CD8B: variants seen among roughly 807,000 people sequenced by gnomAD.
CD8B encodes the protein T-cell surface glycoprotein CD8 beta chain.
Under a neutral mutation model 24.2 loss-of-function variants are expected in CD8B, and 6 were observed. The ratio of observed to expected loss-of-function variants is 0.25; its 90% CI spans 0.14 to 0.49. The LOEUF (loss-of-function observed/expected upper bound fraction) is 0.49, where lower values mean the gene tolerates loss of function less well. Ranked by LOEUF, CD8B falls within the 20% of genes least tolerant of loss-of-function variation. CD8B has a pLI of 0.98. For synonymous variants in CD8B, 84 were observed against 108.3 expected (o/e 0.78, Z 1.39); for missense variants, 196 against 271.3 (o/e 0.72, Z 1.95).
At position 86,861,376 on chromosome 2, in the gene CD8B, T is replaced by C. The variant is rs1573533418; in HGVS notation, c.43+447A>G. 2.0e-5 allele frequency among the ~76,000 whole-genome samples: 3 copies of C among 152,066 alleles called. No homozygotes were observed. The South Asian group carries it at 6.2e-4, about 32-fold the overall frequency. On this transcript the variant is annotated intron_variant, in intron 1 of 5. Transcript: ENST00000390655. Reference sequence around the variant, plus strand: ...CCCTCCGAGAACTGAGAACGCCCGATGTTTGTCTGATTGTACTACAAACAC... The same window carrying C: ...CCCTCCGAGAACTGAGAACGCCCGACGTTTGTCTGATTGTACTACAAACAC...
chr2:86,859,737 G>C (rs1327987650), intron 1 of CD8B, among the ~76,000 whole-genome samples: 1 of 150,286 alleles, frequency 6.7e-6, no homozygotes. Context: ...GGCCAGGGCA[G>C]AGATGCAGGA....
intron 5 of CD8B, among the ~76,000 whole-genome samples, chr2:86,831,315 C>T (rs1054495266): frequency 2.0e-5 from 3 of 152,170 alleles, no homozygotes; most frequent in Non-Finnish European, 4.4e-5. Flanking sequence ...TATCTGCCTG[C>T]CTCGACCTCC....
At position 86,853,046 on chromosome 2, in the gene CD8B, G is replaced by A; in HGVS notation, c.444C>T (p.Ser148=). ...ACCGGCACACTCTCTTCTTGAGGGT[G>A]GACTTCTTGGTGGGCTGGGCAGTGG... ...LPTTAQPTKK[S]TLKKRVCRLP... is the part of the protein sequence containing the mutation. The change falls in exon 3 of 6, where the codon TCC becomes TCT. Residue 148 remains serine, a synonymous_variant. Coordinates refer to ENST00000390655, the MANE Select transcript of CD8B (RefSeq NM_004931.5). The A allele has an allele frequency of 6.5e-7, 1 of 1,543,860 alleles. No homozygotes were observed. The highest frequency in any genetic ancestry group is 8.7e-7 in the Non-Finnish European group (1 of 1,143,606).
rs566732661 is a variant in CD8B at position 86,818,956 on chromosome 2, C to T, written c.621-3238G>A. ...AGTGAGCACATGAATGATAAGAAAACGAAATAGCCTTATTGCTGATATGGA... is the reference window on the plus strand; with the variant it reads ...AGTGAGCACATGAATGATAAGAAAATGAAATAGCCTTATTGCTGATATGGA... On this transcript the variant is annotated intron_variant, in intron 5 of 5. Transcript: ENST00000331469. 1.3e-3 allele frequency among the ~76,000 whole-genome samples: 201 copies of T among 152,214 alleles called. 4 individuals are homozygous for T. The Middle Eastern group carries it at 0.014, about 10-fold the overall frequency.
intron 5 of CD8B, among the ~76,000 whole-genome samples, chr2:86,821,385 C>A (rs1378623142): frequency 6.6e-6 from 1 of 152,160 alleles, no homozygotes. Flanking sequence ...GTTAAGAAAC[C>A]AACAGGAAAA....
At position 86,840,774 on chromosome 2, in the gene CD8B, C is replaced by T. The variant is rs1055269248; in HGVS notation, c.*1533G>A. Among the ~76,000 whole-genome samples, 3 of 152,206 alleles carry T rather than the reference C, an allele frequency of 2.0e-5. No individual in the cohort carries two copies. Among genetic ancestry groups the T allele is most frequent in the Non-Finnish European group, 4.4e-5 (3 of 68,046 alleles). On this transcript the variant is annotated 3_prime_UTR_variant, in exon 6 of 6. Coordinates refer to ENST00000390655, the MANE Select transcript of CD8B (RefSeq NM_004931.5). The stretch of plus-strand genomic sequence containing the variant: ...CTGGACAACTTACACTCAAGGCCCT[C>T]CTTCCGGTAACACTGCATCTATGCC...
At chr2:86,819,955 T>G (rs564447479) in intron 5 of CD8B, among the ~76,000 whole-genome samples, 1 of 152,240 alleles carries the variant, frequency 6.6e-6, no homozygotes, top group East Asian at 1.9e-4. Context: ...CTGGATGAGT[T>G]GGAGGAGTTC....
intron 5 of CD8B, among the ~76,000 whole-genome samples, chr2:86,819,176 T>C (rs931199840): frequency 6.6e-6 from 1 of 152,188 alleles, no homozygotes. Flanking sequence ...CTCCTTAACA[T>C]CAAAATGCAA....
exon 6 of CD8B, chr2:86,815,572 G>T: frequency 1.6e-6 from 2 of 1,243,812 alleles, no homozygotes; most frequent in Non-Finnish European, 2.4e-6. Flanking sequence ...GGTAAAAGTA[G>T]TAAAGATCCA....
At chr2:86,825,703 C>T (rs1200593430) in intron 5 of CD8B, among the ~76,000 whole-genome samples, 1 of 152,178 alleles carries the variant, frequency 6.6e-6, no homozygotes, top group African/African-American at 2.4e-5. Context: ...CATGCAGCGG[C>T]AACATGAGCA....
At chr2:86,825,473 G>A (rs1054762765) in intron 5 of CD8B, among the ~76,000 whole-genome samples, 7 of 152,142 alleles carry the variant, frequency 4.6e-5, no homozygotes, top group South Asian at 2.1e-4. Flanking sequence ...CCCAAGGGTC[G>A]CAGTAAACCC....
intron 2 of CD8B, among the ~76,000 whole-genome samples, chr2:86,857,021 C>A (rs949511992): frequency 6.6e-6 from 1 of 152,130 alleles, no homozygotes. Context: ...TTGAAATGTG[C>A]GTCTGCTGGA....
downstream of CD8B, among the ~76,000 whole-genome samples, chr2:86,835,189 C>T (rs1443579480): frequency 6.6e-5 from 10 of 152,150 alleles, no homozygotes; most frequent in South Asian, 2.1e-4. Flanking sequence ...TTTCTTCTCT[C>T]CTCCTTCATC....
At chr2:86,827,291 T>A (rs551922860) in intron 5 of CD8B, among the ~76,000 whole-genome samples, 1 of 152,038 alleles carries the variant, frequency 6.6e-6, no homozygotes, top group East Asian at 1.9e-4. Context: ...ATGAATTGGC[T>A]TGCCCTGAGA....
At chr2:86,859,356 G>C (rs536134823) in intron 1 of CD8B, among the ~76,000 whole-genome samples, 1 of 152,152 alleles carries the variant, frequency 6.6e-6, no homozygotes, top group East Asian at 1.9e-4. Flanking sequence ...TGAGGAGCTA[G>C]AGCAGGACTC....
downstream of CD8B, among the ~76,000 whole-genome samples, chr2:86,836,828 A>G (rs1675197094): frequency 6.6e-6 from 1 of 152,092 alleles, no homozygotes; most frequent in Non-Finnish European, 1.5e-5. Context: ...TCAGTCATAA[A>G]TGGGGACAGG....
At chr2:86,815,684 G>T (rs1359920070) in exon 6 of CD8B, 1 of 1,612,542 alleles carries the variant, frequency 6.2e-7, no homozygotes, top group East Asian at 2.2e-5. Flanking sequence ...AGGCATTGGG[G>T]GACAAAGGTT....
At chr2:86,820,911 T>C (rs1674439213) in intron 5 of CD8B, among the ~76,000 whole-genome samples, 1 of 152,198 alleles carries the variant, frequency 6.6e-6, no homozygotes, top group Non-Finnish European at 1.5e-5. Flanking sequence ...ATGTGTGAGG[T>C]AGATATTATC....
chr2:86,821,284 T>A (rs570579799), intron 5 of CD8B, among the ~76,000 whole-genome samples: 1 of 152,114 alleles, frequency 6.6e-6, no homozygotes, highest in African/African-American at 2.4e-5. Context: ...CTGGGGTGAA[T>A]CGAAGCTTTC....
Sources: gnomAD v4.1 joint callset for allele counts (sites outside exome capture counted in the v4.1 genomes callset) on GRCh38, gnomAD v4.1.1 for gene constraint, MANE v1.5 for transcripts, NCBI Gene and HGNC (gene_info 2026-07-23, HGNC 2026-07-21) for gene names.